The following KIF16B variants were observed in gnomAD, a reference collection of about 807,000 sequenced individuals.
The protein encoded by KIF16B is kinesin-like protein KIF16B.
In KIF16B, 98 loss-of-function variants were observed where a neutral mutation model predicts 156.3. The observed-to-expected ratio is 0.63, with a 90% CI of 0.53 to 0.74. The LOEUF (loss-of-function observed/expected upper bound fraction) is 0.74. KIF16B is among the 30% of genes least tolerant of loss of function. The probability of loss-of-function intolerance (pLI) is 0.00; values close to 1 mark genes in which losing one functional copy is unlikely to be tolerated. For missense variants in KIF16B, 1,421 were observed against 1,606.5 expected, an observed-to-expected ratio of 0.88 and a Z score of 1.97; for synonymous variants, 564 against 583.7, an observed-to-expected ratio of 0.97 and a Z score of 0.49.
At chr20:16,347,867 ATATTC>A (rs1439714032) in intron 23 of KIF16B, among the ~76,000 whole-genome samples, 1 of 152,226 alleles carries the variant, frequency 6.6e-6, no homozygotes. Flanking sequence ...CTGAACATCT[ATATTC>A]TATCAAGTAG....
chr20:16,468,188 C>T (rs2067549165), intron 12 of KIF16B, among the ~76,000 whole-genome samples: 1 of 152,080 alleles, frequency 6.6e-6, no homozygotes, highest in Non-Finnish European at 1.5e-5. Flanking sequence ...AAAGAAATAC[C>T]ATGCTACTCT....
intron 12 of KIF16B, among the ~76,000 whole-genome samples, chr20:16,482,732 A>G (rs2068014535): frequency 6.6e-6 from 1 of 152,200 alleles, no homozygotes; most frequent in Admixed American, 6.5e-5. Flanking sequence ...TCTCTTAAGA[A>G]GTAAAAGAAT....
intron 15 of KIF16B, among the ~76,000 whole-genome samples, chr20:16,422,458 T>C (rs979681727): frequency 6.6e-6 from 1 of 152,048 alleles, no homozygotes; most frequent in Non-Finnish European, 1.5e-5. Context: ...CAGCATCAAG[T>C]GGCCAGGGCT....
rs2068755578 is a variant in KIF16B, at chr20:16,505,785, A to G, written c.937T>C (p.Ser313Pro). The G allele has an allele frequency of 1.2e-6, 2 of 1,613,704 alleles. No individual in the cohort carries two copies. The highest frequency in any genetic ancestry group is 4.5e-5 in the East Asian group (2 of 44,870). The change falls in exon 9 of 26, where the codon TCT becomes CCT. Residue 313 changes from serine to proline, a missense_variant. Transcript: ENST00000354981. ...KKQVFVPYRD[S>P]VLTWLLKDSL... ...TCTTTTAACAACCAAGTCAACACAGAATCCCTGTAAGGCACGAAAACTTGC... is the reference window on the plus strand; with the variant it reads ...TCTTTTAACAACCAAGTCAACACAGGATCCCTGTAAGGCACGAAAACTTGC...
At chr20:16,279,892 C>A (rs6111009) in intron 25 of KIF16B, among the ~76,000 whole-genome samples, 226 of 152,294 alleles carry the variant, frequency 1.5e-3, no homozygotes, top group Non-Finnish European at 2.5e-3. Flanking sequence ...AATGAACTCC[C>A]TACAGCAATA....
chr20:16,394,782 A>G (rs1223521597), intron 17 of KIF16B, among the ~76,000 whole-genome samples: 2 of 152,132 alleles, frequency 1.3e-5, no homozygotes, highest in Non-Finnish European at 2.9e-5. Flanking sequence ...GTGAGAAGAG[A>G]AAAGTGTGCT....
chr20:16,278,279 G>A (rs1282360883), intron 25 of KIF16B, among the ~76,000 whole-genome samples: 1 of 152,060 alleles, frequency 6.6e-6, no homozygotes, highest in African/African-American at 2.4e-5. Flanking sequence ...GAAATGAAAA[G>A]GAAACCAAAC....
At chr20:16,340,737 A>G (rs1374441516) in intron 23 of KIF16B, among the ~76,000 whole-genome samples, 2 of 152,198 alleles carry the variant, frequency 1.3e-5, no homozygotes, top group Non-Finnish European at 1.5e-5. Flanking sequence ...AAATCTCTGA[A>G]TAGTGAAATG....
At chr20:16,399,342 G>A (rs983298389) in intron 17 of KIF16B, among the ~76,000 whole-genome samples, 6 of 152,126 alleles carry the variant, frequency 3.9e-5, no homozygotes, top group Non-Finnish European at 8.8e-5. Context: ...AGTCTGGCAT[G>A]TGAAAAGATA....
rs201079000 is a variant in KIF16B, at chr20:16,374,225, G to A, written c.3350+32C>T. The stretch of plus-strand genomic sequence containing the variant: ...AATGAGTCCTTGAGTCACATCAAAT[G>A]AGAAGCCTGGAATCACTTTCATGTC... On this transcript the variant is annotated intron_variant, in intron 20 of 25. Coordinates refer to ENST00000354981, the MANE Select transcript of KIF16B (RefSeq NM_024704.5). The A allele has an allele frequency of 4.6e-6, 7 of 1,506,206 alleles. No homozygotes were observed. The Admixed American group carries it at 8.6e-5, about 18-fold the overall frequency. The allele number at this position is 1,506,206 out of a possible 1,614,324, so 93.3% of individuals were successfully genotyped here. A position where few individuals can be genotyped will look rare whatever the true frequency, so the allele number is the denominator to read the frequency against.
intron 4 of KIF16B, among the ~76,000 whole-genome samples, 180 bp downstream of exon 4, chr20:16,515,368 T>G (rs2069110458): frequency 6.6e-6 from 1 of 152,222 alleles, no homozygotes; most frequent in Non-Finnish European, 1.5e-5. Flanking sequence ...TTAAAACTAT[T>G]TCTAATTTAA....
intron 22 of KIF16B, among the ~76,000 whole-genome samples, chr20:16,357,096 C>A (rs1215706005): frequency 1.3e-5 from 2 of 152,130 alleles, no homozygotes; most frequent in Admixed American, 1.3e-4. Context: ...ATAAATCTTC[C>A]AAATGAAGTT....
Position 16,517,868 on chromosome 20 carries a change from AAAG to A in KIF16B, c.232-2207_232-2205del, listed in dbSNP as rs530903595. Among the ~76,000 whole-genome samples, 40 of 152,370 alleles carry A rather than the reference AAAG, an allele frequency of 2.6e-4. No homozygotes were observed. In the South Asian group the frequency reaches 5.4e-3, roughly 21 times the overall value. On this transcript the variant is annotated intron_variant, in intron 3 of 25. Transcript: ENST00000354981. ...GTCTTCTAAAAACTTTTCAAAGAATAAAGAAGGACTGTTTCTCATAGTTTGGCC... is the reference window on the plus strand; with the variant it reads ...GTCTTCTAAAAACTTTTCAAAGAATAAAGGACTGTTTCTCATAGTTTGGCC...
intron 25 of KIF16B, among the ~76,000 whole-genome samples, chr20:16,278,341 T>A (rs941304554): frequency 2.9e-4 from 44 of 152,202 alleles, no homozygotes; most frequent in African/African-American, 1.1e-3. Flanking sequence ...TTTACCAAGC[T>A]GGCAAAAAGA....
intron 1 of KIF16B, among the ~76,000 whole-genome samples, chr20:16,571,754 C>T (rs140125179): frequency 6.6e-6 from 1 of 151,862 alleles, no homozygotes; most frequent in African/African-American, 2.4e-5. Flanking sequence ...CTCAACCTCA[C>T]GAGTAGCTGG....
At chr20:16,439,730 A>G (rs2066742782) in intron 12 of KIF16B, among the ~76,000 whole-genome samples, 1 of 152,192 alleles carries the variant, frequency 6.6e-6, no homozygotes, top group Non-Finnish European at 1.5e-5. Flanking sequence ...TCATGGAGGA[A>G]GGCAAGGAGG....
rs1360758236 is a variant in KIF16B at position 16,466,450 on chromosome 20, GTGGGAGGTAACTGAA to G, written c.1302+27826_1302+27840del. Among the ~76,000 whole-genome samples, 4 of 152,358 alleles carry G rather than the reference GTGGGAGGTAACTGAA, an allele frequency of 2.6e-5. 1 individual carries two copies. Among genetic ancestry groups the G allele is most frequent in the African/African-American group, 9.6e-5 (4 of 41,596 alleles). ...CCCCACGTGTCGTGGGAGGGACCCAGTGGGAGGTAACTGAATCACAAGGGTGGGTTTTTCCCATGC... is the reference window on the plus strand; with the variant it reads ...CCCCACGTGTCGTGGGAGGGACCCAGTCACAAGGGTGGGTTTTTCCCATGC... On this transcript the variant is annotated intron_variant, in intron 12 of 25. Transcript: ENST00000354981.
intron 25 of KIF16B, among the ~76,000 whole-genome samples, chr20:16,288,121 T>C (rs1272526843): frequency 6.6e-6 from 1 of 152,202 alleles, no homozygotes; most frequent in Non-Finnish European, 1.5e-5. Context: ...AGGAGAGCCC[T>C]GGAGGCACAC....
At chr20:16,450,128 T>C (rs534695766) in intron 12 of KIF16B, among the ~76,000 whole-genome samples, 26 of 152,320 alleles carry the variant, frequency 1.7e-4, no homozygotes, top group African/African-American at 5.5e-4. Context: ...AATATTTCCA[T>C]AGATTGGTAA....
Sources: allele counts gnomAD v4.1 joint callset (sites outside exome capture counted in the v4.1 genomes callset), GRCh38; gene constraint gnomAD v4.1.1; transcripts MANE v1.5; gene names NCBI Gene and HGNC (gene_info 2026-07-23, HGNC 2026-07-21).